The following FRY variants were observed in gnomAD, a reference collection of about 807,000 sequenced individuals.
FRY encodes FRY microtubule binding protein.
Under a neutral mutation model 348.4 loss-of-function variants are expected in FRY, and 128 were observed. The ratio of observed to expected loss-of-function variants is 0.37; its 90% CI spans 0.32 to 0.43. The LOEUF is 0.43. FRY is among the 20% of genes least tolerant of loss of function. The probability of loss-of-function intolerance (pLI) is 1.00; values close to 1 mark genes in which losing one functional copy is unlikely to be tolerated. For synonymous variants in FRY, 1,370 were observed against 1,374.7 expected (o/e 1.00, Z 0.08); for missense variants, 2,736 against 3,695.2 (o/e 0.74, Z 6.73).
chr13:32,203,727 A>C (rs554603795), intron 31 of FRY, among the ~76,000 whole-genome samples: 2 of 152,052 alleles, frequency 1.3e-5, no homozygotes, highest in South Asian at 4.2e-4. Flanking sequence ...TGTCTCAAAA[A>C]AAAAATGCAT....
intron 11 of FRY, among the ~76,000 whole-genome samples, chr13:32,145,357 G>T (rs1201918864): frequency 1.3e-5 from 2 of 152,120 alleles, no homozygotes; most frequent in Non-Finnish European, 2.9e-5. Flanking sequence ...TTGGGAGCCT[G>T]AGCTATAGCA....
chr13:32,248,750 A>AT (rs895629956), intron 48 of FRY, among the ~76,000 whole-genome samples: 16 of 151,864 alleles, frequency 1.1e-4, no homozygotes, highest in Non-Finnish European at 1.8e-4. Context: ...CCATTTTCAC[A>AT]TTTTTTTTAA....
chr13:32,169,018 G>A (rs542309315), intron 17 of FRY, among the ~76,000 whole-genome samples: 5 of 152,302 alleles, frequency 3.3e-5, no homozygotes, highest in South Asian at 2.1e-4. Flanking sequence ...CACTCTGGGC[G>A]ACAATGTTGT....
chr13:32,171,703 G>C (rs533828845), intron 18 of FRY, among the ~76,000 whole-genome samples: 33 of 152,174 alleles, frequency 2.2e-4, no homozygotes, highest in Non-Finnish European at 4.3e-4. Context: ...CTTCCTCCCT[G>C]GTGGTGGGCC....
At chr13:32,064,697 C>G (rs570326654) in intron 1 of FRY, among the ~76,000 whole-genome samples, 2 of 152,304 alleles carry the variant, frequency 1.3e-5, no homozygotes, top group Admixed American at 1.3e-4. Flanking sequence ...TTTGGCTGTT[C>G]AACCTAGTGG....
intron 31 of FRY, among the ~76,000 whole-genome samples, chr13:32,205,083 G>T (rs200708973): frequency 6.6e-6 from 1 of 151,792 alleles, no homozygotes; most frequent in African/African-American, 2.4e-5. Flanking sequence ...CATGCCTGTA[G>T]TCCCAGCTAC....
intron 1 of FRY, among the ~76,000 whole-genome samples, chr13:32,032,268 G>A (rs1237311319): frequency 2.0e-5 from 3 of 152,202 alleles, no homozygotes; most frequent in Non-Finnish European, 4.4e-5. Context: ...ATTTTGTGAA[G>A]TGTGATTTAA....
At chr13:32,247,198 C>T (rs555550433) in intron 47 of FRY, 125 bp from the exon 48 acceptor site, 1 of 730,076 alleles carries the variant, frequency 1.4e-6, no homozygotes, top group South Asian at 1.6e-5. Flanking sequence ...TCTCATGGAA[C>T]CTGCTGCGCT....
In FRY at chr13:32,242,988, C is replaced by T. The variant is rs574966157; in HGVS notation, c.6688-1054C>T. 5.4e-4 allele frequency among the ~76,000 whole-genome samples: 82 copies of T among 152,198 alleles called. 1 individual carries two copies. Among genetic ancestry groups the T allele is most frequent in the Non-Finnish European group, 7.1e-4 (48 of 67,998 alleles). On this transcript the variant is annotated intron_variant, in intron 46 of 60. Transcript: ENST00000542859. ...ATTTTGCTTTCCTTTTGGTCAATAT[C>T]ATTGATTTTTTATGATTATAAAAGC...
intron 2 of FRY, among the ~76,000 whole-genome samples, chr13:32,082,872 TTCTTTG>T (rs1566061260): frequency 6.6e-6 from 1 of 152,172 alleles, no homozygotes; most frequent in Non-Finnish European, 1.5e-5. Context: ...TATAGTTTTT[TTCTTTG>T]TCTTTGGTAT....
At position 32,234,663 on chromosome 13, in the gene FRY, A is replaced by C; in HGVS notation, c.5617A>C (p.Ile1873Leu). Residue 1873 changes from isoleucine (I) to leucine (L), a missense_variant, in exon 42 of 61, where the codon ATA becomes CTA. Physicochemically the swap from Ile to Leu is conservative, Grantham distance 5. Transcript: ENST00000542859. ...GCACTATGCTGGTCGGTCCTTCCAG[A>C]TATTCCGGGCCCTCAAGCAACCTCT... The part of the protein sequence containing the change: ...SRHYAGRSFQ[I>L]FRALKQPLSA... The C allele has an allele frequency of 6.2e-7, 1 of 1,614,090 alleles. No individual in the cohort carries two copies. Among genetic ancestry groups the C allele is most frequent in the Non-Finnish European group, 8.5e-7 (1 of 1,180,016 alleles).
At chr13:32,258,571 C>T (rs1887457559) in intron 51 of FRY, among the ~76,000 whole-genome samples, 1 of 151,746 alleles carries the variant, frequency 6.6e-6, no homozygotes, top group Admixed American at 6.6e-5. Flanking sequence ...CAAGATCATG[C>T]CACTGCACTC....
At chr13:32,095,361 T>G (rs1273264854) in intron 2 of FRY, among the ~76,000 whole-genome samples, 1 of 140,684 alleles carries the variant, frequency 7.1e-6, no homozygotes, top group African/African-American at 2.6e-5. Flanking sequence ...TTTTTTTTTT[T>G]TTTTGAGACG....
At chr13:32,284,519 T>C (rs374464390) in intron 58 of FRY, among the ~76,000 whole-genome samples, 1 of 152,244 alleles carries the variant, frequency 6.6e-6, no homozygotes, top group Admixed American at 6.5e-5. Context: ...TACAGATTTC[T>C]TGAAAAAAGT....
At chr13:32,184,533 A>G in intron 24 of FRY, 67 bp from the exon 25 acceptor site, 1 of 970,276 alleles carries the variant, frequency 1.0e-6, no homozygotes, top group South Asian at 1.3e-5. Flanking sequence ...TGTTAATACC[A>G]TTTTCTAAAA....
At chr13:32,264,490 GTT>G (rs1420773322) in intron 53 of FRY, among the ~76,000 whole-genome samples, 10 of 152,032 alleles carry the variant, frequency 6.6e-5, no homozygotes, top group African/African-American at 2.4e-4. Flanking sequence ...CCTTGCTTTT[GTT>G]TTTGTTTTAA....
intron 51 of FRY, among the ~76,000 whole-genome samples, chr13:32,255,332 C>T (rs1566172399): frequency 6.6e-6 from 1 of 152,166 alleles, no homozygotes; most frequent in Non-Finnish European, 1.5e-5. Context: ...AGTAGGTAGG[C>T]ACCTCCTTAC....
Position 32,134,940 on chromosome 13 carries a change from G to C in FRY, c.922G>C (p.Asp308His). 1 of 1,613,190 alleles carries C rather than the reference G, an allele frequency of 6.2e-7. No homozygotes were observed. The highest frequency in any genetic ancestry group is 8.5e-7 in the Non-Finnish European group (1 of 1,179,180). Residue 308 changes from aspartate (D) to histidine (H), a missense_variant, in exon 9 of 61, where the codon GAT (aspartate) becomes CAT (histidine). Asp to His is a moderately conservative substitution (Grantham distance 81). Coordinates refer to ENST00000542859, the MANE Select transcript of FRY (RefSeq NM_023037.3). ...AHYFLEVKDK[D>H]IKHALAGLFV... Reference sequence around the variant, plus strand: ...TTACTTCCTCGAGGTCAAAGACAAAGATATCAAGCATGCCTTGGCTGGGCT... The same window carrying C: ...TTACTTCCTCGAGGTCAAAGACAAACATATCAAGCATGCCTTGGCTGGGCT...
intron 51 of FRY, 118 bp downstream of exon 51, chr13:32,254,512 AAACTTT>A: frequency 9.4e-7 from 1 of 1,060,408 alleles, no homozygotes; most frequent in Non-Finnish European, 1.4e-6. Context: ...GGAAAGTTGT[AAACTTT>A]ATTTTGAATC....
Sources: gnomAD v4.1 joint callset for allele counts (sites outside exome capture counted in the v4.1 genomes callset) on GRCh38, gnomAD v4.1.1 for gene constraint, MANE v1.5 for transcripts, NCBI Gene and HGNC (gene_info 2026-07-23, HGNC 2026-07-21) for gene names.